Variants in KCNH4 observed in about 807,000 individuals in gnomAD.
KCNH4 encodes voltage-gated delayed rectifier potassium channel KCNH4.
KCNH4 carries 33 observed loss-of-function variants against 90.7 expected under a neutral mutation model. The ratio of observed to expected loss-of-function variants is 0.36; its 90% CI spans 0.28 to 0.49. KCNH4 has a LOEUF of 0.49. Among genes scored for constraint, KCNH4 ranks in the 20% least tolerant of loss-of-function variants. KCNH4 has a pLI of 0.98. For missense variants in KCNH4, 1,044 were observed against 1,387.1 expected, an observed-to-expected ratio of 0.75 and a Z score of 3.93; for synonymous variants, 551 against 581.7, an observed-to-expected ratio of 0.95 and a Z score of 0.76.
intron 16 of KCNH4, 35 bp downstream of exon 16, chr17:42,159,696 T>C (rs1343427210): frequency 4.8e-6 from 1 of 207,186 alleles, no homozygotes; most frequent in African/African-American, 2.3e-5. Context: ...TGGAGCTGGG[T>C]CCCTTGCCCA....
Position 42,175,978 on chromosome 17 carries a change from C to T in KCNH4, c.829+76G>A, listed in dbSNP as rs1048596529. The stretch of plus-strand genomic sequence containing the variant: ...CTCTGAATGTCTGGGTCATGTGGGC[C>T]CCAGGAGTGGGTGAGGCTTGGCCAA... On this transcript the variant is annotated intron_variant, in intron 5 of 16. Coordinates refer to ENST00000264661, the MANE Select transcript of KCNH4 (RefSeq NM_012285.3). 5 of 1,499,406 alleles carry T rather than the reference C, an allele frequency of 3.3e-6. No individual in the cohort carries two copies. In the African/African-American group the frequency reaches 5.6e-5, roughly 17 times the overall value. The allele number at this position is 1,499,406 out of a possible 1,614,324, so 92.9% of individuals were successfully genotyped here. A position where few individuals can be genotyped will look rare whatever the true frequency, so the allele number is the denominator to read the frequency against.
Position 42,175,582 on chromosome 17 carries a change from G to C in KCNH4, c.984C>G (p.Thr328=). 6.2e-7 allele frequency: 1 copy of C among 1,614,182 alleles called. No homozygotes were observed. Among genetic ancestry groups the C allele is most frequent in the Non-Finnish European group, 8.5e-7 (1 of 1,180,034 alleles). The change falls in exon 6 of 17, where the codon ACC becomes ACG. Residue 328 remains threonine, a synonymous_variant. Coordinates refer to ENST00000264661, the MANE Select transcript of KCNH4 (RefSeq NM_012285.3). ...PFDLLYIFNI[T]VTSLVHLLKT... ...TGGCGGGATGGAGGTCACTCACCACGGTGATGTTGAAGATGTAAAGCAGGT... is the reference window on the plus strand; with the variant it reads ...TGGCGGGATGGAGGTCACTCACCACCGTGATGTTGAAGATGTAAAGCAGGT...
intron 11 of KCNH4, among the ~76,000 whole-genome samples, chr17:42,164,555 C>T (rs927652910): frequency 6.6e-6 from 1 of 152,212 alleles, no homozygotes; most frequent in African/African-American, 2.4e-5. Flanking sequence ...GTAATCCCAG[C>T]ACTTTGGGAG....
chr17:42,166,184 A>G (rs1379193798), intron 10 of KCNH4, 113 bp downstream of exon 10: 11 of 1,312,460 alleles, frequency 8.4e-6, no homozygotes, highest in Admixed American at 2.4e-5. Context: ...CAGGAACTGT[A>G]GGTATCCACG....
Position 42,160,272 on chromosome 17 carries a change from G to T in KCNH4, c.2822C>A (p.Ala941Glu), listed in dbSNP as rs199559049. Residue 941 changes from alanine (A) to glutamate (E), a missense_variant, in exon 16 of 17, where the codon GCG (alanine) becomes GAG (glutamate). Ala to Glu is a moderately radical substitution (Grantham distance 107). This residue lies in a region of KCNH4 where 441 missense variants were observed against 512.3 expected (regional missense o/e 0.86). Coordinates refer to ENST00000264661, the MANE Select transcript of KCNH4 (RefSeq NM_012285.3). ...CTGGAGGCTGGGTGGTGGTCTGGAC[G>T]CACAAGGAGAGAGGCATGGTGGCCT... ...QLRPPCLSPC[A>E]SRPPPSLQDT... 1 of 1,613,972 alleles carries T rather than the reference G, an allele frequency of 6.2e-7. No homozygotes were observed. The highest frequency in any genetic ancestry group is 1.3e-5 in the African/African-American group (1 of 74,904).
chr17:42,158,958 A>G (rs2079726898), intron 16 of KCNH4, among the ~76,000 whole-genome samples: 1 of 152,050 alleles, frequency 6.6e-6, no homozygotes. Flanking sequence ...GGCTGGGATT[A>G]TAGGCATGAA....
chr17:42,170,016 G>T (rs563408885), intron 8 of KCNH4, 91 bp downstream of exon 8: 3 of 1,320,668 alleles, frequency 2.3e-6, no homozygotes, highest in East Asian at 2.4e-5. Flanking sequence ...TAGACACCTC[G>T]GGCAGATGTC....
intron 6 of KCNH4, among the ~76,000 whole-genome samples, chr17:42,172,584 T>TACACAC (rs2079835358): frequency 7.9e-6 from 1 of 126,132 alleles, no homozygotes; most frequent in Non-Finnish European, 1.8e-5. Flanking sequence ...CACACACACT[T>TACACAC]ATACCTTTAG....
intron 14 of KCNH4, among the ~76,000 whole-genome samples, chr17:42,162,919 A>C (rs1386730743): frequency 6.6e-6 from 1 of 152,150 alleles, no homozygotes; most frequent in Non-Finnish European, 1.5e-5. Flanking sequence ...CCACTCTTCA[A>C]GATCCCACCC....
rs1450807674 is a variant in KCNH4, at chr17:42,165,699, G to A, written c.1841-6C>T. ...TCCAATCAGGTCCCCCTTCCCTGTA[G>A]GTAAGGGATGGGGACAGTCAGCTGG... On this transcript the variant is annotated splice_region_variant and splice_polypyrimidine_tract_variant and intron_variant, in intron 10 of 16. Transcript: ENST00000264661. 2.5e-6 allele frequency: 4 copies of A among 1,614,106 alleles called. No homozygotes were observed. The Admixed American group carries it at 6.7e-5, about 27-fold the overall frequency.
At chr17:42,164,846 C>T (rs1453762412) in intron 11 of KCNH4, among the ~76,000 whole-genome samples, 1 of 150,388 alleles carries the variant, frequency 6.6e-6, no homozygotes, top group Non-Finnish European at 1.5e-5. Context: ...TGGCTCATGC[C>T]TGTAATCCCA....
intron 15 of KCNH4, among the ~76,000 whole-genome samples, chr17:42,160,920 C>CTTT (rs57677761): frequency 1.7e-3 from 128 of 73,268 alleles, no homozygotes; most frequent in Non-Finnish European, 2.1e-3. Flanking sequence ...TTTTCTTTTT[C>CTTT]TTTTTTTTTT....
Position 42,180,920 on chromosome 17 carries a change from G to A in KCNH4, c.26C>T (p.Ala9Val). ...GGTGTCCAGGAAGGTGTTTTGCGGG[G>A]CCAGCAACCCCTTCATGACCGGCAT... MPVMKGLL[A>V]PQNTFLDTIA... The change falls in exon 1 of 17, where the codon GCC becomes GTC. Residue 9 changes from alanine to valine, a missense_variant. This residue lies in a region of KCNH4 where 283 missense variants were observed against 378.6 expected (regional missense o/e 0.75). Coordinates refer to ENST00000264661, the MANE Select transcript of KCNH4 (RefSeq NM_012285.3). This position sits in a 1 kb window ranked among gnomAD's most constrained non-coding sequence, Gnocchi z 4.7. 1 of 1,613,820 alleles carries A rather than the reference G, an allele frequency of 6.2e-7. No individual in the cohort carries two copies. Among genetic ancestry groups the A allele is most frequent in the Non-Finnish European group, 8.5e-7 (1 of 1,179,868 alleles).
rs149016281 is a variant in KCNH4 at position 42,174,595 on chromosome 17, G to A, written c.987+984C>T. On this transcript the variant is annotated intron_variant, in intron 6 of 16. Transcript: ENST00000264661. ...TTGGCGGCTAGTTAAATTCGGCTGC[G>A]TGTAGGTGGTTTCCTGCTATAGCTG... 3.0e-3 allele frequency among the ~76,000 whole-genome samples: 460 copies of A among 152,266 alleles called. 3 individuals carry two copies. Among genetic ancestry groups the A allele is most frequent in the African/African-American group, 0.011 (443 of 41,546 alleles).
At chr17:42,169,270 G>A (rs1338732552) in intron 9 of KCNH4, among the ~76,000 whole-genome samples, 1 of 151,856 alleles carries the variant, frequency 6.6e-6, no homozygotes, top group Non-Finnish European at 1.5e-5. Context: ...AGCAGAGACA[G>A]GGTTTCACCA....
chr17:42,167,051 T>A (rs1387776045), intron 9 of KCNH4, among the ~76,000 whole-genome samples: 1 of 152,164 alleles, frequency 6.6e-6, no homozygotes, highest in Non-Finnish European at 1.5e-5. Context: ...CCACCCTGGC[T>A]TGTTGAACTC....
Position 42,158,326 on chromosome 17 carries a change from C to T in KCNH4, c.*310-1208G>A, listed in dbSNP as rs1372430266. 4.3e-4 allele frequency among the ~76,000 whole-genome samples: 63 copies of T among 144,848 alleles called. No individual in the cohort carries two copies. In the East Asian group the frequency reaches 6.6e-3, roughly 15 times the overall value. On this transcript the variant is annotated intron_variant, in intron 16 of 16. Coordinates refer to ENST00000264661, the MANE Select transcript of KCNH4 (RefSeq NM_012285.3). ...CAGGTGGATCATGAGGTCAGGAGAT[C>T]GAGACCATCCTGGCTAACATGGTGA...
At chr17:42,177,881 A>G (rs542907364) in intron 4 of KCNH4, among the ~76,000 whole-genome samples, 1 of 152,204 alleles carries the variant, frequency 6.6e-6, no homozygotes. Context: ...AGTAATGTCA[A>G]TCACCTAAGG....
In KCNH4 at chr17:42,163,775, A is replaced by G; in HGVS notation, c.2308T>C (p.Ser770Pro). The change falls in exon 13 of 17, where the codon TCA becomes CCA. Residue 770 changes from serine (S) to proline (P), a missense_variant. By Grantham distance (74) the Ser-to-Pro change is moderately conservative. Coordinates refer to ENST00000264661, the MANE Select transcript of KCNH4 (RefSeq NM_012285.3). The surrounding 1 kb of genome is among the most constrained non-coding windows in gnomAD (Gnocchi z 5.4). ...SLLGEELPPFSALVSSPSLSP... is the reference protein window; with the variant it reads ...SLLGEELPPFPALVSSPSLSP... Reference sequence around the variant, plus strand: ...AAGGAAGGAGAGGAGACAAGGGCTGAGAATGGGGGCAGCTCCTCGCCCAAA... The same window carrying G: ...AAGGAAGGAGAGGAGACAAGGGCTGGGAATGGGGGCAGCTCCTCGCCCAAA... The G allele has an allele frequency of 6.4e-7, 1 of 1,553,642 alleles. No homozygotes were observed.
Sources: allele counts gnomAD v4.1 joint callset (sites outside exome capture counted in the v4.1 genomes callset), GRCh38; gene constraint gnomAD v4.1.1; regional missense constraint gnomAD v4.1.1; non-coding constraint Gnocchi (gnomAD v3.1); transcripts MANE v1.5; gene names NCBI Gene and HGNC (gene_info 2026-07-23, HGNC 2026-07-21).